SCAPER: variants seen among roughly 807,000 people sequenced by gnomAD.
SCAPER encodes S phase cyclin A-associated protein in the endoplasmic reticulum.
A neutral mutation model predicts 182.2 loss-of-function variants in SCAPER; 98 were observed. That is an observed-to-expected ratio of 0.54 (90% CI 0.46 to 0.64). The LOEUF is 0.64. SCAPER is among the 30% of genes least tolerant of loss of function. SCAPER has a pLI of 0.00. For synonymous variants in SCAPER, 605 were observed against 564.6 expected, an observed-to-expected ratio of 1.07 and a Z score of -1.01; for missense variants, 1,432 against 1,690.0, an observed-to-expected ratio of 0.85 and a Z score of 2.68.
At chr15:76,422,549 A>G (rs2046119668) in intron 26 of SCAPER, among the ~76,000 whole-genome samples, 1 of 152,206 alleles carries the variant, frequency 6.6e-6, no homozygotes, top group South Asian at 2.1e-4. Context: ...TAAATATACA[A>G]TCATGTCATC....
chr15:76,399,820 C>A (rs759169211), intron 27 of SCAPER, among the ~76,000 whole-genome samples: 7 of 151,930 alleles, frequency 4.6e-5, no homozygotes, highest in Non-Finnish European at 1.0e-4. Context: ...GCCTGGCCAA[C>A]ATGGTGAAAC....
intron 1 of SCAPER, among the ~76,000 whole-genome samples, chr15:76,888,492 G>A (rs2073981188): frequency 6.6e-6 from 1 of 152,156 alleles, no homozygotes; most frequent in African/African-American, 2.4e-5. Context: ...TGACCTGATG[G>A]AACTGAAAAC....
intron 22 of SCAPER, among the ~76,000 whole-genome samples, chr15:76,610,913 A>C (rs2050920137): frequency 6.6e-6 from 1 of 152,246 alleles, no homozygotes; most frequent in Non-Finnish European, 1.5e-5. Flanking sequence ...AAATACAAAT[A>C]ACAATTCTAA....
chr15:76,767,569 A>G (rs2151292586), intron 10 of SCAPER, among the ~76,000 whole-genome samples: 1 of 152,260 alleles, frequency 6.6e-6, no homozygotes, highest in South Asian at 2.1e-4. Flanking sequence ...AATATACATG[A>G]GATTCATTAA....
chr15:76,495,989 GAGAGACACACACACACACAC>G (rs202123602), intron 24 of SCAPER, among the ~76,000 whole-genome samples: 3,998 of 105,490 alleles, frequency 0.038, 155 homozygotes, highest in East Asian at 0.15. Context: ...AAGCAAAAGA[GAGAGACACACACACACACAC>G]ACACACACAC....
In SCAPER at chr15:76,627,945, G is replaced by A. The variant is rs534154813; in HGVS notation, c.2646-6116C>T. ...CTCCTATTTCTCCACAACCTCACTA[G>A]CCTCTGTTGTTTCTTGACTTTTTAA... is the stretch of plus-strand genomic sequence containing the variant. On this transcript the variant is annotated intron_variant, in intron 21 of 31. Coordinates refer to ENST00000563290, the MANE Select transcript of SCAPER (RefSeq NM_020843.4). 3.9e-5 allele frequency among the ~76,000 whole-genome samples: 6 copies of A among 152,238 alleles called. No individual in the cohort carries two copies. In the South Asian group the frequency reaches 1.0e-3, roughly 26 times the overall value.
At chr15:76,543,018 T>A (rs1372810025) in intron 23 of SCAPER, among the ~76,000 whole-genome samples, 3 of 152,320 alleles carry the variant, frequency 2.0e-5, no homozygotes, top group South Asian at 2.1e-4. Flanking sequence ...TACATTTTTT[T>A]AATTTTTAAA....
chr15:76,785,722 T>G (rs1412222372), intron 8 of SCAPER, among the ~76,000 whole-genome samples: 1 of 152,136 alleles, frequency 6.6e-6, no homozygotes, highest in Non-Finnish European at 1.5e-5. Flanking sequence ...TTCATGTCCT[T>G]TGTAAGGACA....
rs924789646 is a variant in SCAPER at position 76,428,280 on chromosome 15, C to T, written c.3311+5798G>A. Reference sequence around the variant, plus strand: ...TATAAATCCAAAGAAATGAAACCAGCATGTCAAAGAGGTATCTACACTCCC... The same window carrying T: ...TATAAATCCAAAGAAATGAAACCAGTATGTCAAAGAGGTATCTACACTCCC... On this transcript the variant is annotated intron_variant, in intron 26 of 31. Transcript: ENST00000563290. Among the ~76,000 whole-genome samples, 23 of 152,048 alleles carry T rather than the reference C, an allele frequency of 1.5e-4. 1 individual carries two copies. Among genetic ancestry groups the T allele is most frequent in the Admixed American group, 1.4e-3 (22 of 15,266 alleles).
chr15:76,477,029 T>C (rs1160399636), intron 24 of SCAPER, among the ~76,000 whole-genome samples: 1 of 152,150 alleles, frequency 6.6e-6, no homozygotes, highest in Non-Finnish European at 1.5e-5. Flanking sequence ...GCTACTTGCG[T>C]ATATAATAGA....
chr15:76,826,083 G>T (rs919132364), intron 5 of SCAPER, among the ~76,000 whole-genome samples: 1 of 152,014 alleles, frequency 6.6e-6, no homozygotes, highest in Non-Finnish European at 1.5e-5. Context: ...GTCATTATCT[G>T]AAAAATTTCT....
In SCAPER at chr15:76,434,193, C is replaced by CA. The variant is rs1276500923; in HGVS notation, c.3195dup (p.Ala1066CysfsTer28). ...TGGCAGTTTCCATCTGGTCGATTGG[C>CA]AATCAGGCAGCCCAAAACCACAGCA... On this transcript the variant is annotated frameshift_variant, in exon 26 of 32. Transcript: ENST00000563290. LOFTEE classifies it high-confidence loss of function. 1 of 1,613,776 alleles carries CA rather than the reference C, an allele frequency of 6.2e-7. No individual in the cohort carries two copies. The highest frequency in any genetic ancestry group is 1.3e-5 in the African/African-American group (1 of 74,870).
chr15:76,870,182 T>C (rs1189270905), intron 2 of SCAPER, among the ~76,000 whole-genome samples: 4 of 152,184 alleles, frequency 2.6e-5, no homozygotes, highest in African/African-American at 9.7e-5. Context: ...TAGTGTTAGA[T>C]AGATCAGAGG....
At chr15:76,599,585 C>G (rs1331411536) in intron 22 of SCAPER, among the ~76,000 whole-genome samples, 1 of 121,818 alleles carries the variant, frequency 8.2e-6, no homozygotes, top group Non-Finnish European at 2.0e-5. Flanking sequence ...ATGGGTGAAA[C>G]ACAAAAACAT....
chr15:76,368,101 A>G (rs977623690), intron 29 of SCAPER, among the ~76,000 whole-genome samples: 4 of 152,224 alleles, frequency 2.6e-5, no homozygotes, highest in Non-Finnish European at 5.9e-5. Context: ...CAGCTAAAGA[A>G]TAAGCTGCCA....
intron 21 of SCAPER, among the ~76,000 whole-genome samples, chr15:76,664,437 A>G (rs1287650306): frequency 6.6e-6 from 1 of 152,214 alleles, no homozygotes; most frequent in Non-Finnish European, 1.5e-5. Flanking sequence ...CAACTAGAAT[A>G]AAGTATTCAT....
intron 21 of SCAPER, among the ~76,000 whole-genome samples, chr15:76,630,230 C>G (rs760495228): frequency 2.6e-5 from 4 of 151,862 alleles, no homozygotes; most frequent in Non-Finnish European, 5.9e-5. Context: ...TCTACTTTAT[C>G]CATTTTTTCA....
chr15:76,357,189 C>CACACACACACACACAA (rs1555410451), intron 29 of SCAPER, among the ~76,000 whole-genome samples: 10 of 146,376 alleles, frequency 6.8e-5, no homozygotes, highest in Non-Finnish European at 1.5e-4. Flanking sequence ...CACACACACA[C>CACACACACACACACAA]CCCTATGGCC....
At chr15:76,436,758 G>T (rs2047225031) in intron 25 of SCAPER, among the ~76,000 whole-genome samples, 1 of 152,136 alleles carries the variant, frequency 6.6e-6, no homozygotes, top group South Asian at 2.1e-4. Flanking sequence ...ATATATCAGT[G>T]TATCACAATC....
Sources: gnomAD v4.1 joint callset for allele counts (sites outside exome capture counted in the v4.1 genomes callset) on GRCh38, gnomAD v4.1.1 for gene constraint, MANE v1.5 for transcripts, NCBI Gene and HGNC (gene_info 2026-07-23, HGNC 2026-07-21) for gene names.